Variants in PRCP observed in about 807,000 individuals in gnomAD.
PRCP encodes lysosomal Pro-X carboxypeptidase.
In PRCP, 46 loss-of-function variants were observed where a neutral mutation model predicts 54.2. That is an observed-to-expected ratio of 0.85 (90% CI 0.67 to 1.09). The LOEUF (loss-of-function observed/expected upper bound fraction) is 1.09. PRCP is among the 50% of genes least tolerant of loss of function. The pLI is 0.00. For missense variants in PRCP, 613 were observed against 596.8 expected (o/e 1.03, Z -0.28); for synonymous variants, 240 against 212.2 (o/e 1.13, Z -1.14).
chr11:82,835,913 C>G (rs895216586), intron 8 of PRCP: 4 of 400,642 alleles, frequency 1.0e-5, no homozygotes, highest in Non-Finnish European at 2.0e-5. Context: ...ACAGCTCTAG[C>G]CGGGCGTGGT....
chr11:82,873,416 T>C (rs1004398269), intron 1 of PRCP, among the ~76,000 whole-genome samples: 13 of 152,180 alleles, frequency 8.5e-5, no homozygotes, highest in African/African-American at 3.1e-4. Context: ...CCCCACTAAA[T>C]TGGCAAAAGA....
In PRCP at chr11:82,874,063, C is replaced by T. The variant is rs548308853; in HGVS notation, c.169-13946G>A. 1.1e-4 allele frequency among the ~76,000 whole-genome samples: 16 copies of T among 152,162 alleles called. No individual in the cohort carries two copies. In the South Asian group the frequency reaches 1.7e-3, roughly 16 times the overall value. The stretch of plus-strand genomic sequence containing the variant: ...ATTCATCCGGTCTAAATGATAATGG[C>T]GCTGTAAAAAAGATAAAGGAAGGGA... On this transcript the variant is annotated intron_variant, in intron 1 of 8. Coordinates refer to ENST00000313010, the MANE Select transcript of PRCP (RefSeq NM_005040.4).
chr11:82,836,838 GCA>G, intron 8 of PRCP: 1 of 358,246 alleles, frequency 2.8e-6, no homozygotes. Context: ...GTGAGCCACT[GCA>G]TCCAGCCTCC....
chr11:82,867,605 TC>T (rs1859370993), intron 1 of PRCP, among the ~76,000 whole-genome samples: 1 of 152,172 alleles, frequency 6.6e-6, no homozygotes, highest in South Asian at 2.1e-4. Context: ...CAGCTCAAGC[TC>T]CCAAATTAGA....
At chr11:82,891,678 C>T (rs1307752134) in intron 1 of PRCP, among the ~76,000 whole-genome samples, 1 of 152,130 alleles carries the variant, frequency 6.6e-6, no homozygotes, top group Non-Finnish European at 1.5e-5. Context: ...AGGGTTTTTG[C>T]ACTTGACCTT....
intron 6 of PRCP, among the ~76,000 whole-genome samples, chr11:82,844,077 A>G (rs1279980334): frequency 6.6e-6 from 1 of 152,006 alleles, no homozygotes; most frequent in Non-Finnish European, 1.5e-5. Flanking sequence ...GTTTCCCAAT[A>G]TTACATAATA....
At chr11:82,836,510 CAT>C (rs1491162422) in intron 8 of PRCP, 2 of 147,808 alleles carry the variant, frequency 1.4e-5, no homozygotes, top group Admixed American at 1.3e-4. Flanking sequence ...GCATTTCTTT[CAT>C]TTTTTTTTGT....
upstream of PRCP, chr11:82,900,539 G>C: frequency 2.4e-6 from 3 of 1,247,044 alleles, no homozygotes; most frequent in Non-Finnish European, 2.3e-6. Flanking sequence ...AAGCCAGCCA[G>C]CTCCTCAGAG....
intron 1 of PRCP, among the ~76,000 whole-genome samples, chr11:82,866,127 A>G (rs1859329020): frequency 6.6e-6 from 1 of 152,226 alleles, no homozygotes; most frequent in Non-Finnish European, 1.5e-5. Flanking sequence ...CCCTGCTTAA[A>G]TGTTCTACCT....
intron 6 of PRCP, among the ~76,000 whole-genome samples, chr11:82,844,517 A>G (rs1858754927): frequency 6.6e-6 from 1 of 152,094 alleles, no homozygotes; most frequent in Admixed American, 6.5e-5. Flanking sequence ...CGGGTGGATC[A>G]CCTGAGATCA....
At chr11:82,838,667 A>T in intron 7 of PRCP, 93 bp from the exon 8 acceptor site, 2 of 1,312,560 alleles carry the variant, frequency 1.5e-6, no homozygotes, top group Admixed American at 4.5e-5. Flanking sequence ...GTAAGTAGTG[A>T]AGGCAGGGTT....
intron 2 of PRCP, among the ~76,000 whole-genome samples, chr11:82,853,919 A>G (rs1222110702): frequency 3.3e-5 from 5 of 152,250 alleles, no homozygotes; most frequent in Admixed American, 6.5e-5. Flanking sequence ...GATCATCTCA[A>G]TAGATGCAGA....
chr11:82,865,187 C>A (rs976152377), intron 1 of PRCP, among the ~76,000 whole-genome samples: 2 of 152,150 alleles, frequency 1.3e-5, no homozygotes, highest in African/African-American at 4.8e-5. Flanking sequence ...AAATGTAATT[C>A]TTTTCATGTG....
intron 6 of PRCP, among the ~76,000 whole-genome samples, chr11:82,848,450 G>A (rs1237467972): frequency 2.0e-5 from 3 of 152,208 alleles, no homozygotes; most frequent in African/African-American, 7.2e-5. Context: ...GAGGAAGACG[G>A]GATGGGGAAA....
chr11:82,872,778 C>T (rs1221631736), intron 1 of PRCP, among the ~76,000 whole-genome samples: 1 of 152,184 alleles, frequency 6.6e-6, no homozygotes, highest in African/African-American at 2.4e-5. Flanking sequence ...GTTTGTGATA[C>T]TCTGCAGCCC....
chr11:82,850,022 A>C lies in PRCP; in HGVS notation c.643T>G (p.Cys215Gly). ...GTTACGATCTTCATAAATACACCAC[A>C]AGGTACTAAATCCTCAAACTGCCAG... The part of the protein sequence containing the change: ...PIWQFEDLVP[C>G]GVFMKIVTTD... The change falls in exon 5 of 9, where the codon TGT (cysteine) becomes GGT (glycine). Residue 215 changes from cysteine to glycine, a missense_variant. Physicochemically the swap from Cys to Gly is radical, Grantham distance 159. Transcript: ENST00000313010. 1 of 1,539,678 alleles carries C rather than the reference A, an allele frequency of 6.5e-7. No individual in the cohort carries two copies. The highest frequency in any genetic ancestry group is 8.8e-7 in the Non-Finnish European group (1 of 1,140,958).
intron 1 of PRCP, among the ~76,000 whole-genome samples, chr11:82,866,179 T>C (rs776014664): frequency 1.3e-5 from 2 of 152,204 alleles, no homozygotes; most frequent in African/African-American, 2.4e-5. Flanking sequence ...GTATTGGAGA[T>C]TAAATTTGAC....
chr11:82,828,988 A>C (rs574558890), intron 8 of PRCP: 25 of 152,278 alleles, frequency 1.6e-4, no homozygotes, highest in African/African-American at 5.8e-4. Context: ...ACAATCTGTC[A>C]ACAAATCCTG....
In PRCP at chr11:82,884,489, C is replaced by T. The variant is rs142286662; in HGVS notation, c.168+15746G>A. Among the ~76,000 whole-genome samples, 6 of 152,174 alleles carry T rather than the reference C, an allele frequency of 3.9e-5. No individual in the cohort carries two copies. In the East Asian group the frequency reaches 7.7e-4, roughly 20 times the overall value. On this transcript the variant is annotated intron_variant, in intron 1 of 8. Coordinates refer to ENST00000313010, the MANE Select transcript of PRCP (RefSeq NM_005040.4). Reference sequence around the variant, plus strand: ...GGAGAACTGATTGAGCCCGGGATGTCGAGGCTGCAGTGAGCCATGATCACA... The same window carrying T: ...GGAGAACTGATTGAGCCCGGGATGTTGAGGCTGCAGTGAGCCATGATCACA...
Sources: allele counts gnomAD v4.1 joint callset (sites outside exome capture counted in the v4.1 genomes callset), GRCh38; gene constraint gnomAD v4.1.1; transcripts MANE v1.5; gene names NCBI Gene and HGNC (gene_info 2026-07-23, HGNC 2026-07-21).